HMGCLL1: variants seen among roughly 807,000 people sequenced by gnomAD.
The protein encoded by HMGCLL1 is 3-hydroxy-3-methylglutaryl-CoA lyase like 1, also known as 3-hydroxymethyl-3-methylglutaryl-CoA lyase, cytoplasmic.
In HMGCLL1, 36 loss-of-function variants were observed where a neutral mutation model predicts 39.1. The ratio of observed to expected loss-of-function variants is 0.92; its 90% CI spans 0.71 to 1.22. The LOEUF (loss-of-function observed/expected upper bound fraction) is 1.22, where lower values mean the gene tolerates loss of function less well. HMGCLL1 is among the 50% of genes most tolerant of loss of function. The probability of loss-of-function intolerance (pLI) is 0.00; values close to 1 mark genes in which losing one functional copy is unlikely to be tolerated. For missense variants in HMGCLL1, 451 were observed against 416.5 expected, an observed-to-expected ratio of 1.08 and a Z score of -0.72; for synonymous variants, 149 against 144.0, an observed-to-expected ratio of 1.03 and a Z score of -0.25.
At chr6:55,628,595 C>G in the HMGCLL1 span, among the ~76,000 whole-genome samples, 1 of 151,938 alleles carries the variant, frequency 6.6e-6, no homozygotes. Flanking sequence ...GTCACTCTCT[C>G]CTGGCCTGCA....
the HMGCLL1 span, among the ~76,000 whole-genome samples, chr6:55,592,248 T>C: frequency 6.6e-6 from 1 of 151,984 alleles, no homozygotes; most frequent in African/African-American, 2.4e-5. Context: ...TCTCTTTTAA[T>C]TTATTTACTA....
intron 3 of HMGCLL1, among the ~76,000 whole-genome samples, chr6:55,537,731 A>G (rs1232107196): frequency 6.6e-6 from 1 of 152,158 alleles, no homozygotes; most frequent in Non-Finnish European, 1.5e-5. Flanking sequence ...TCACTTACTC[A>G]AGTTCAAGGC....
intron 1 of HMGCLL1, among the ~76,000 whole-genome samples, chr6:55,568,854 A>AAC (rs139032251): frequency 0.078 from 11,699 of 150,562 alleles, 932 homozygotes; most frequent in African/African-American, 0.21. Context: ...AGTAAAATGA[A>AAC]ACACACACAC....
At chr6:55,666,067 A>T in the HMGCLL1 span, among the ~76,000 whole-genome samples, 1 of 151,684 alleles carries the variant, frequency 6.6e-6, no homozygotes, top group Non-Finnish European at 1.5e-5. Flanking sequence ...GAGGAAAGGA[A>T]TCCCTACGCT....
At chr6:55,595,558 C>A in the HMGCLL1 span, among the ~76,000 whole-genome samples, 1 of 152,158 alleles carries the variant, frequency 6.6e-6, no homozygotes, top group Admixed American at 6.6e-5. Context: ...TGTAAAAAAT[C>A]TGACTTTATT....
chr6:55,589,451 G>A, the HMGCLL1 span, among the ~76,000 whole-genome samples: 1 of 152,114 alleles, frequency 6.6e-6, no homozygotes. Context: ...GTATCATACT[G>A]AATGGGAAAA....
Position 55,499,248 on chromosome 6 carries a change from T to C in HMGCLL1, c.594A>G (p.Gln198=), listed in dbSNP as rs748699640. The stretch of plus-strand genomic sequence containing the variant: ...AGATGTAGCTTACTTCTGTCACTTT[T>C]TGCGGTGTAATACTTCCTTCATATG... ...GCPYEGSITP[Q]KVTEVSKRLY... is the part of the protein sequence containing the mutation. The change falls in exon 6 of 9, where the codon CAA becomes CAG. Residue 198 remains glutamine, a synonymous_variant. Coordinates refer to ENST00000274901, the MANE Select transcript of HMGCLL1 (RefSeq NM_001042406.2). 3 of 1,609,568 alleles carry C rather than the reference T, an allele frequency of 1.9e-6. No individual in the cohort carries two copies. The South Asian group carries it at 3.3e-5, about 18-fold the overall frequency.
chr6:55,650,982 G>T, the HMGCLL1 span, among the ~76,000 whole-genome samples: 1 of 152,074 alleles, frequency 6.6e-6, no homozygotes, highest in African/African-American at 2.4e-5. Context: ...TGCTGTCCAA[G>T]AGCTTCAGCC....
At chr6:55,640,369 C>T in the HMGCLL1 span, among the ~76,000 whole-genome samples, 7 of 151,978 alleles carry the variant, frequency 4.6e-5, no homozygotes, top group Admixed American at 2.0e-4. Context: ...AATAACTAGA[C>T]GCTTGCCTAC....
At chr6:55,583,753 A>G (rs1456732701), upstream of HMGCLL1, among the ~76,000 whole-genome samples, 1 of 152,174 alleles carries the variant, frequency 6.6e-6, no homozygotes, top group Admixed American at 6.6e-5. Flanking sequence ...AAATATTCCT[A>G]AAGGATGATT....
intron 7 of HMGCLL1, among the ~76,000 whole-genome samples, chr6:55,469,584 C>G (rs1489492152): frequency 1.3e-5 from 2 of 150,872 alleles, no homozygotes; most frequent in African/African-American, 4.9e-5. Flanking sequence ...ATTGCTTGAG[C>G]AAGGATGAGA....
At chr6:55,668,687 C>T in the HMGCLL1 span, among the ~76,000 whole-genome samples, 1 of 151,742 alleles carries the variant, frequency 6.6e-6, no homozygotes, top group African/African-American at 2.4e-5. Context: ...CGGAAGTGAA[C>T]ATTGTGTTAA....
In HMGCLL1 at chr6:55,577,841, A is replaced by G. The variant is rs141517785; in HGVS notation, c.108+1107T>C. On this transcript the variant is annotated intron_variant, in intron 1 of 8. Transcript: ENST00000274901. ...ATATTAACATGTGGGAAGATAAAGG[A>G]TAACTTTTCACCTCTACCACTGTCA... Among the ~76,000 whole-genome samples, 140 of 152,344 alleles carry G rather than the reference A, an allele frequency of 9.2e-4. 1 individual carries two copies. The highest frequency in any genetic ancestry group is 3.1e-3 in the African/African-American group (129 of 41,592).
intron 7 of HMGCLL1, among the ~76,000 whole-genome samples, chr6:55,477,440 ATAT>A (rs1765504565): frequency 1.9e-5 from 1 of 52,638 alleles, no homozygotes; most frequent in Non-Finnish European, 3.4e-5. Flanking sequence ...ATTATATATT[ATAT>A]ATATAATATA....
chr6:55,634,328 A>G, the HMGCLL1 span, among the ~76,000 whole-genome samples: 2 of 152,086 alleles, frequency 1.3e-5, no homozygotes, highest in Non-Finnish European at 2.9e-5. Context: ...AGCAAGAGTA[A>G]TAAGAAATGA....
At chr6:55,438,993 C>T (rs1042871043) in intron 8 of HMGCLL1, among the ~76,000 whole-genome samples, 1 of 152,016 alleles carries the variant, frequency 6.6e-6, no homozygotes, top group East Asian at 1.9e-4. Flanking sequence ...CCCTCTTTCA[C>T]TGATCATTTA....
intron 1 of HMGCLL1, among the ~76,000 whole-genome samples, chr6:55,543,802 G>A (rs981412644): frequency 3.3e-5 from 5 of 151,602 alleles, no homozygotes; most frequent in African/African-American, 1.2e-4. Context: ...GAGTCCAGGG[G>A]ATCAAGGCTG....
At chr6:55,522,545 A>T (rs1768092437) in intron 3 of HMGCLL1, among the ~76,000 whole-genome samples, 1 of 152,004 alleles carries the variant, frequency 6.6e-6, no homozygotes, top group African/African-American at 2.4e-5. Flanking sequence ...TTTTTTGACA[A>T]GAGTTGACTC....
At chr6:55,443,409 G>A (rs1414806281) in intron 7 of HMGCLL1, among the ~76,000 whole-genome samples, 1 of 152,074 alleles carries the variant, frequency 6.6e-6, no homozygotes. Context: ...TCCTTTTCTC[G>A]CTACTGAGGA....
Sources: gnomAD v4.1 joint callset for allele counts (sites outside exome capture counted in the v4.1 genomes callset) on GRCh38, gnomAD v4.1.1 for gene constraint, MANE v1.5 for transcripts, NCBI Gene and HGNC (gene_info 2026-07-23, HGNC 2026-07-21) for gene names.